Variants in CEBPG observed in about 807,000 individuals in gnomAD.
CEBPG encodes CCAAT/enhancer-binding protein gamma.
Under a neutral mutation model 11.1 loss-of-function variants are expected in CEBPG, and 6 were observed. The ratio of observed to expected loss-of-function variants is 0.54; its 90% CI spans 0.30 to 1.07. The LOEUF (loss-of-function observed/expected upper bound fraction) is 1.07, where lower values mean the gene tolerates loss of function less well. CEBPG is among the 50% of genes least tolerant of loss of function. The pLI, the probability that CEBPG is intolerant of heterozygous loss-of-function variation, is 0.07. For synonymous variants in CEBPG, 66 were observed against 71.0 expected (o/e 0.93, Z 0.36); for missense variants, 161 against 187.4 (o/e 0.86, Z 0.82).
At chr19:33,378,676 A>G (rs1459605836) in intron 1 of CEBPG, among the ~76,000 whole-genome samples, 1 of 152,200 alleles carries the variant, frequency 6.6e-6, no homozygotes, top group Non-Finnish European at 1.5e-5. Flanking sequence ...AGAACATGGA[A>G]CCCGCAGGGG....
chr19:33,382,232 C>T lies in CEBPG; in HGVS notation c.*2540C>T, dbSNP rs1312965358. 1 of 167,064 alleles carries T rather than the reference C, an allele frequency of 6.0e-6. No individual in the cohort carries two copies. The highest frequency in any genetic ancestry group is 1.5e-5 in the Non-Finnish European group (1 of 68,120). 10.3% of individuals were successfully genotyped at this position (167,064 alleles called of 1,614,324 possible). On this transcript the variant is annotated 3_prime_UTR_variant, in exon 2 of 2. Transcript: ENST00000284000. ...AGAGCAGCTCTTCCTGCTGCTGGCC[C>T]CTGCAATCAGTTGTTGGGATGCCAG...
chr19:33,381,127 T>G lies in CEBPG; in HGVS notation c.*1435T>G, dbSNP rs567336827. ...CACAGTTCTAGCTCAAATTTGTGTA[T>G]TTTTTGTGTGCCTGGGCTGGAGATG... On this transcript the variant is annotated 3_prime_UTR_variant, in exon 2 of 2. Coordinates refer to ENST00000284000, the MANE Select transcript of CEBPG (RefSeq NM_001806.4). 1.2e-5 allele frequency: 2 copies of G among 167,228 alleles called. No homozygotes were observed. Among genetic ancestry groups the G allele is most frequent in the African/African-American group, 4.8e-5 (2 of 41,586 alleles). The allele number at this position is 167,228 out of a possible 1,614,324, so 10.4% of individuals were successfully genotyped here.
intron 1 of CEBPG, among the ~76,000 whole-genome samples, chr19:33,377,312 A>G (rs1196356817): frequency 6.6e-6 from 1 of 152,220 alleles, no homozygotes; most frequent in Non-Finnish European, 1.5e-5. Context: ...CCAAACTAAA[A>G]TAGGGGGAGC....
At position 33,379,135 on chromosome 19, in the gene CEBPG, T is replaced by C; in HGVS notation, c.-96-9T>C. On this transcript the variant is annotated splice_polypyrimidine_tract_variant and intron_variant, in intron 1 of 1. Coordinates refer to ENST00000284000, the MANE Select transcript of CEBPG (RefSeq NM_001806.4). The stretch of plus-strand genomic sequence containing the variant: ...TCAAATATTTTAATGCAATTTATTT[T>C]TTAACTAGGTACATGTGAAGATTTT... 1.0e-6 allele frequency: 1 copy of C among 975,154 alleles called. No individual in the cohort carries two copies. Among genetic ancestry groups the C allele is most frequent in the Non-Finnish European group, 1.5e-6 (1 of 678,396 alleles). 60.4% of individuals were successfully genotyped at this position (975,154 alleles called of 1,614,324 possible). A position where few individuals can be genotyped will look rare whatever the true frequency, so the allele number is the denominator to read the frequency against.
chr19:33,379,793 C>A lies in CEBPG; in HGVS notation c.*101C>A. On this transcript the variant is annotated 3_prime_UTR_variant, in exon 2 of 2. Transcript: ENST00000284000. The stretch of plus-strand genomic sequence containing the variant: ...GGCTGAAAGTTGTCCATTTCCATGA[C>A]TCAAAGACCCATTGGAGGCTATTTT... The A allele has an allele frequency of 9.2e-7, 1 of 1,090,838 alleles. No individual in the cohort carries two copies. Among genetic ancestry groups the A allele is most frequent in the Non-Finnish European group, 1.3e-6 (1 of 766,944 alleles). 67.6% of individuals were successfully genotyped at this position (1,090,838 alleles called of 1,614,324 possible). A position where few individuals can be genotyped will look rare whatever the true frequency, so the allele number is the denominator to read the frequency against.
In CEBPG at chr19:33,379,816, T is replaced by C. The variant is rs1255157225; in HGVS notation, c.*124T>C. The C allele has an allele frequency of 6.9e-6, 6 of 874,454 alleles. No homozygotes were observed. The East Asian group carries it at 1.6e-4, about 23-fold the overall frequency. 54.2% of individuals were successfully genotyped at this position (874,454 alleles called of 1,614,324 possible). A position where few individuals can be genotyped will look rare whatever the true frequency, so the allele number is the denominator to read the frequency against. ...GACTCAAAGACCCATTGGAGGCTATTTTCTGGGATCAGCACTGAAGAGTTG... is the reference window on the plus strand; with the variant it reads ...GACTCAAAGACCCATTGGAGGCTATCTTCTGGGATCAGCACTGAAGAGTTG... On this transcript the variant is annotated 3_prime_UTR_variant, in exon 2 of 2. Transcript: ENST00000284000.
chr19:33,377,254 C>T (rs1201514670), intron 1 of CEBPG, among the ~76,000 whole-genome samples: 1 of 152,158 alleles, frequency 6.6e-6, no homozygotes, highest in African/African-American at 2.4e-5. Context: ...TTCCACATCC[C>T]TCATTTGCAT....
chr19:33,380,457 A>G lies in CEBPG; in HGVS notation c.*765A>G, dbSNP rs1967971029. 1 of 166,986 alleles carries G rather than the reference A, an allele frequency of 6.0e-6. No homozygotes were observed. The highest frequency in any genetic ancestry group is 2.4e-5 in the African/African-American group (1 of 41,466). 10.3% of individuals were successfully genotyped at this position (166,986 alleles called of 1,614,324 possible). A position where few individuals can be genotyped will look rare whatever the true frequency, so the allele number is the denominator to read the frequency against. ...TTGTTTTATTCTAAAAACCCAACTC[A>G]GTGGTGTAGAGAAACTTGTGTACCA... On this transcript the variant is annotated 3_prime_UTR_variant, in exon 2 of 2. Transcript: ENST00000284000.
chr19:33,373,962 A>G (rs1294031525), intron 1 of CEBPG, 67 bp downstream of exon 1: 1 of 150,598 alleles, frequency 6.6e-6, no homozygotes, highest in African/African-American at 2.4e-5. Flanking sequence ...CGGCCGCTCG[A>G]CTGGGTGCGG....
rs1367135357 is a variant in CEBPG at position 33,380,329 on chromosome 19, T to A, written c.*637T>A. 1 of 166,742 alleles carries A rather than the reference T, an allele frequency of 6.0e-6. No homozygotes were observed. Among genetic ancestry groups the A allele is most frequent in the Non-Finnish European group, 1.5e-5 (1 of 68,088 alleles). The allele number at this position is 166,742 out of a possible 1,614,324, so 10.3% of individuals were successfully genotyped here. On this transcript the variant is annotated 3_prime_UTR_variant, in exon 2 of 2. Transcript: ENST00000284000. ...ATAGGTAGTGTGTGGCCAATTGACT[T>A]AAAAAATACAAATAACATTTAGGAA...
rs1207568573 is a variant in CEBPG at position 33,381,371 on chromosome 19, T to TA, written c.*1681dup. 2 of 167,086 alleles carry TA rather than the reference T, an allele frequency of 1.2e-5. No individual in the cohort carries two copies. The highest frequency in any genetic ancestry group is 4.8e-5 in the African/African-American group (2 of 41,438). The allele number at this position is 167,086 out of a possible 1,614,324, so 10.4% of individuals were successfully genotyped here. On this transcript the variant is annotated 3_prime_UTR_variant, in exon 2 of 2. Transcript: ENST00000284000. ...TCCAGCAACTCAGCAAAGCCATTCT[T>TA]AAGAGTCGTGAGGTCCTTCTGAATG...
At chr19:33,378,936 G>T (rs1307174311) in intron 1 of CEBPG, among the ~76,000 whole-genome samples, 1 of 152,196 alleles carries the variant, frequency 6.6e-6, no homozygotes, top group African/African-American at 2.4e-5. Context: ...ATCCAGGTGG[G>T]CTGAGTTTCG....
rs368932326 is a variant in CEBPG at position 33,379,435 on chromosome 19, C to A, written c.196C>A (p.Arg66=). ...SPMDRNSDEY[R]QRRERNNMAV... ...CATGGATCGAAACAGTGACGAGTAT[C>A]GGCAACGCCGAGAGAGGAACAACAT... Residue 66 remains arginine (R), a synonymous_variant, in exon 2 of 2, where the codon CGG becomes AGG. Transcript: ENST00000284000. 3 of 1,613,826 alleles carry A rather than the reference C, an allele frequency of 1.9e-6. No individual in the cohort carries two copies. Among genetic ancestry groups the A allele is most frequent in the African/African-American group, 1.3e-5 (1 of 74,840 alleles).
chr19:33,376,329 T>G (rs1967911764), intron 1 of CEBPG, among the ~76,000 whole-genome samples: 1 of 152,228 alleles, frequency 6.6e-6, no homozygotes, highest in Admixed American at 6.5e-5. Flanking sequence ...TCTAACATTC[T>G]GCGCTTTCAG....
At chr19:33,374,726 T>G (rs1419165341) in intron 1 of CEBPG, 1 of 152,192 alleles carries the variant, frequency 6.6e-6, no homozygotes, top group Non-Finnish European at 1.5e-5. Context: ...GTTTTCCTCT[T>G]GTTTGAAGTT....
At chr19:33,379,048 A>G (rs1967948932) in intron 1 of CEBPG, 96 bp from the exon 2 acceptor site, 4 of 492,334 alleles carry the variant, frequency 8.1e-6, no homozygotes, top group Non-Finnish European at 1.1e-5. Context: ...TCTCAGCAGA[A>G]TCAATTAATG....
intron 1 of CEBPG, 60 bp from the exon 2 acceptor site, chr19:33,379,084 G>T: frequency 1.5e-6 from 1 of 649,020 alleles, no homozygotes; most frequent in Non-Finnish European, 2.5e-6. Context: ...GTACGTACAA[G>T]TTTGATCTCA....
chr19:33,379,758 T>C lies in CEBPG; in HGVS notation c.*66T>C. ...TTAAAGGTGTGACCACCGACACCACTCATGTCAATGGCTGAAAGTTGTCCA... is the reference window on the plus strand; with the variant it reads ...TTAAAGGTGTGACCACCGACACCACCCATGTCAATGGCTGAAAGTTGTCCA... On this transcript the variant is annotated 3_prime_UTR_variant, in exon 2 of 2. Transcript: ENST00000284000. 1.4e-6 allele frequency: 2 copies of C among 1,404,766 alleles called. No individual in the cohort carries two copies. Among genetic ancestry groups the C allele is most frequent in the Non-Finnish European group, 1.9e-6 (2 of 1,035,198 alleles). The allele number at this position is 1,404,766 out of a possible 1,614,324, so 87.0% of individuals were successfully genotyped here.
At chr19:33,376,427 A>G (rs1967913173) in intron 1 of CEBPG, among the ~76,000 whole-genome samples, 1 of 152,224 alleles carries the variant, frequency 6.6e-6, no homozygotes, top group South Asian at 2.1e-4. Flanking sequence ...CTCAATATTC[A>G]TTGGGAATCA....
Sources: gnomAD v4.1 joint callset for allele counts (sites outside exome capture counted in the v4.1 genomes callset) on GRCh38, gnomAD v4.1.1 for gene constraint, MANE v1.5 for transcripts, NCBI Gene and HGNC (gene_info 2026-07-23, HGNC 2026-07-21) for gene names.